The following ANLN variants were observed in gnomAD, a reference collection of about 807,000 sequenced individuals.
The protein encoded by ANLN is anillin.
ANLN carries 59 observed loss-of-function variants against 135.1 expected under a neutral mutation model. The observed-to-expected ratio is 0.44, with a 90% CI of 0.35 to 0.54. ANLN has a LOEUF of 0.54. ANLN is among the 20% of genes least tolerant of loss of function. ANLN has a pLI of 0.00. For missense variants in ANLN, 1,182 were observed against 1,340.0 expected, an observed-to-expected ratio of 0.88 and a Z score of 1.84; for synonymous variants, 406 against 456.4, an observed-to-expected ratio of 0.89 and a Z score of 1.41.
intron 3 of ANLN, chr7:36,403,424 G>A (rs1787047909): frequency 6.6e-6 from 1 of 152,226 alleles, no homozygotes; most frequent in Non-Finnish European, 1.5e-5. Flanking sequence ...GGATAAGCCA[G>A]GAAGGATAGT....
In ANLN at chr7:36,420,316, T is replaced by C; in HGVS notation, c.2015+2T>C. ...TGAAGATCGTGATCTTCTTTACAGG[T>C]AAGAACATTTCTGGAAGGCATTCAC... On this transcript the variant is annotated splice_donor_variant, in intron 11 of 23. Coordinates refer to ENST00000265748, the MANE Select transcript of ANLN (RefSeq NM_018685.5). LOFTEE classifies it high-confidence loss of function. The C allele has an allele frequency of 6.2e-7, 1 of 1,613,546 alleles. No individual in the cohort carries two copies. The highest frequency in any genetic ancestry group is 8.5e-7 in the Non-Finnish European group (1 of 1,179,622).
In ANLN at chr7:36,389,879, C is replaced by A. The variant is rs904451511; in HGVS notation, c.-148C>A. 4.2e-5 allele frequency: 59 copies of A among 1,420,506 alleles called. No homozygotes were observed. The highest frequency in any genetic ancestry group is 5.3e-5 in the Non-Finnish European group (54 of 1,021,582). 88.0% of individuals were successfully genotyped at this position (1,420,506 alleles called of 1,614,324 possible). ...CAGAGGCCGAGTCCGTCACTGGAAG[C>A]CGAGAGGAGAGGACAGCTGGTTGTG... On this transcript the variant is annotated 5_prime_UTR_variant, in exon 1 of 24. Coordinates refer to ENST00000265748, the MANE Select transcript of ANLN (RefSeq NM_018685.5).
intron 8 of ANLN, among the ~76,000 whole-genome samples, chr7:36,416,435 T>G (rs1042238666): frequency 6.6e-6 from 1 of 152,220 alleles, no homozygotes; most frequent in Non-Finnish European, 1.5e-5. Flanking sequence ...CTTTCAATGC[T>G]GTGTTGAATA....
chr7:36,423,842 T>A lies in ANLN; in HGVS notation c.2502T>A (p.Ile834=), dbSNP rs746142927. The change falls in exon 15 of 24, where the codon ATT becomes ATA. Residue 834 remains isoleucine, a synonymous_variant. Transcript: ENST00000265748. ...ATGCAGCAAATTACTATTACTTAAT[T>A]ATACTAAAAGCAGGAGCTGAAAATA... The part of the protein sequence containing the change: ...KPDAANYYYL[I]ILKAGAENMV... 5 of 1,611,628 alleles carry A rather than the reference T, an allele frequency of 3.1e-6. No individual in the cohort carries two copies. The South Asian group carries it at 5.5e-5, about 18-fold the overall frequency.
Position 36,399,265 on chromosome 7 carries a change from C to G in ANLN, c.359C>G (p.Pro120Arg). Residue 120 changes from proline (P) to arginine (R), a missense_variant, in exon 3 of 24, where the codon CCG (proline) becomes CGG (arginine). Around this residue, in one of 3 missense-constraint regions of ANLN, gnomAD observed 1,022 missense variants for 1,134.0 expected, o/e 0.90. Transcript: ENST00000265748. ...ACCATCAGTGATTCTGTTGCTGTCC[C>G]GGCATCACTGCTGGGCATGAGGAGA... ...ADTISDSVAV[P>R]ASLLGMRRGL... is the part of the protein sequence containing the mutation. 1 of 1,614,140 alleles carries G rather than the reference C, an allele frequency of 6.2e-7. No individual in the cohort carries two copies. The highest frequency in any genetic ancestry group is 8.5e-7 in the Non-Finnish European group (1 of 1,180,010).
chr7:36,411,008 GT>G, intron 6 of ANLN, 50 bp from the exon 7 acceptor site: 2 of 1,499,764 alleles, frequency 1.3e-6, no homozygotes, highest in Non-Finnish European at 9.0e-7. Flanking sequence ...GTGTTTGGAT[GT>G]TAAACATGCT....
At chr7:36,427,861 G>C (rs773520321) in intron 20 of ANLN, among the ~76,000 whole-genome samples, 98 of 152,174 alleles carry the variant, frequency 6.4e-4, no homozygotes, top group Non-Finnish European at 7.4e-4. Flanking sequence ...CTATTTTAAG[G>C]AGTAAGACAA....
At chr7:36,416,536 G>A (rs1787649448) in intron 8 of ANLN, among the ~76,000 whole-genome samples, 1 of 152,084 alleles carries the variant, frequency 6.6e-6, no homozygotes, top group Admixed American at 6.5e-5. Context: ...TTAGCTGAGG[G>A]CTTTTCATAT....
At chr7:36,401,895 A>G (rs1469914156) in intron 3 of ANLN, among the ~76,000 whole-genome samples, 1 of 117,426 alleles carries the variant, frequency 8.5e-6, no homozygotes, top group Admixed American at 8.0e-5. Flanking sequence ...CCATGGCAAC[A>G]CCCAGGAGTT....
At chr7:36,435,778 C>G (rs1213740334) in intron 20 of ANLN, among the ~76,000 whole-genome samples, 2 of 139,324 alleles carry the variant, frequency 1.4e-5, no homozygotes, top group African/African-American at 2.7e-5. Context: ...GAGGCTGAGG[C>G]AGGAGAATGG....
intron 7 of ANLN, among the ~76,000 whole-genome samples, chr7:36,412,720 C>G (rs1411640672): frequency 6.6e-6 from 1 of 152,158 alleles, no homozygotes; most frequent in Non-Finnish European, 1.5e-5. Flanking sequence ...AATGCGTAAA[C>G]TGCTTGGCTT....
Position 36,424,688 on chromosome 7 carries a change from G to T in ANLN, c.2655G>T (p.Val885=), listed in dbSNP as rs748077424. The change falls in exon 17 of 24, where the codon GTG becomes GTT. Residue 885 remains valine, a splice_region_variant and synonymous_variant. Coordinates refer to ENST00000265748, the MANE Select transcript of ANLN (RefSeq NM_018685.5). The part of the protein sequence containing the change: ...FEINIEVYSL[V]QKKDPSGLDK... ...TTATGCTTTGGGTTTGTGCGTAGGT[G>T]CAAAAGAAAGATCCCTCAGGCCTTG... The T allele has an allele frequency of 4.0e-5, 64 of 1,611,874 alleles. No homozygotes were observed. In the Admixed American group the frequency reaches 1.1e-3, roughly 27 times the overall value.
chr7:36,452,383 G>T (rs1789281452), intron 23 of ANLN, 94 bp from the exon 24 acceptor site: 4 of 1,519,742 alleles, frequency 2.6e-6, no homozygotes, highest in Non-Finnish European at 2.7e-6. Flanking sequence ...TCATTTACTG[G>T]TTTATTTAGT....
intron 4 of ANLN, 141 bp from the exon 5 acceptor site, chr7:36,407,593 G>T: frequency 6.3e-6 from 4 of 632,984 alleles, no homozygotes; most frequent in Middle Eastern, 4.4e-4. Context: ...AAATTTGTTT[G>T]ATCTATTAGA....
chr7:36,406,634 G>C (rs765376512), intron 4 of ANLN, 68 bp downstream of exon 4: 68 of 1,349,156 alleles, frequency 5.0e-5, no homozygotes, highest in Admixed American at 2.3e-4. Context: ...TAATACATCT[G>C]TGTGTATGTG....
chr7:36,438,018 A>C (rs1316690477), intron 20 of ANLN, among the ~76,000 whole-genome samples: 1 of 151,726 alleles, frequency 6.6e-6, no homozygotes, highest in South Asian at 2.1e-4. Context: ...TGAACTCCTA[A>C]CCTCAGGTGA....
intron 5 of ANLN, among the ~76,000 whole-genome samples, chr7:36,408,211 A>AT (rs373615397): frequency 6.6e-6 from 1 of 151,968 alleles, no homozygotes; most frequent in East Asian, 1.9e-4. Flanking sequence ...ATCATGCTAG[A>AT]TTTTTTTTCT....
At chr7:36,432,629 G>A (rs570080462) in intron 20 of ANLN, among the ~76,000 whole-genome samples, 66 of 152,280 alleles carry the variant, frequency 4.3e-4, no homozygotes, top group Non-Finnish European at 8.2e-4. Flanking sequence ...TTGCCAACTC[G>A]TAGTCTACCA....
rs748050195 is a variant in ANLN, at chr7:36,406,532, C to G, written c.839C>G (p.Ala280Gly). Residue 280 changes from alanine (A) to glycine (G), a missense_variant, in exon 4 of 24, where the codon GCG (alanine) becomes GGG (glycine). By Grantham distance (60) the Ala-to-Gly change is moderately conservative. Transcript: ENST00000265748. Reference sequence around the variant, plus strand: ...GCCCTATCCTCAAGTGCTGATGATGCGTCTTTGGTTAATGCCTCAATTTCC... The same window carrying G: ...GCCCTATCCTCAAGTGCTGATGATGGGTCTTTGGTTAATGCCTCAATTTCC... ...NKALSSSADDASLVNASISSS... is the reference protein window; with the variant it reads ...NKALSSSADDGSLVNASISSS... The G allele has an allele frequency of 6.6e-7, 1 of 1,524,908 alleles. No homozygotes were observed. The highest frequency in any genetic ancestry group is 8.8e-7 in the Non-Finnish European group (1 of 1,135,000). 94.5% of individuals were successfully genotyped at this position (1,524,908 alleles called of 1,614,324 possible).
Sources: gnomAD v4.1 joint callset for allele counts (sites outside exome capture counted in the v4.1 genomes callset) on GRCh38, gnomAD v4.1.1 for gene constraint, gnomAD v4.1.1 regional missense constraint, MANE v1.5 for transcripts, NCBI Gene and HGNC (gene_info 2026-07-23, HGNC 2026-07-21) for gene names.